The following SNX29 variants were observed in gnomAD, a reference collection of about 807,000 sequenced individuals.
The protein encoded by SNX29 is sorting nexin 29, also known as sorting nexin-29.
SNX29 carries 78 observed loss-of-function variants against 102.1 expected under a neutral mutation model. That is an observed-to-expected ratio of 0.76 (90% CI 0.64 to 0.92). The LOEUF (loss-of-function observed/expected upper bound fraction) is 0.92. Among genes scored for constraint, SNX29 ranks in the 40% least tolerant of loss-of-function variants. The pLI is 0.00. For missense variants in SNX29, 1,280 were observed against 1,061.7 expected, an observed-to-expected ratio of 1.21 and a Z score of -2.86; for synonymous variants, 580 against 414.5, an observed-to-expected ratio of 1.40 and a Z score of -4.85.
chr16:12,514,812 C>T (rs2089790041), intron 19 of SNX29, among the ~76,000 whole-genome samples: 2 of 151,632 alleles, frequency 1.3e-5, no homozygotes, highest in South Asian at 2.1e-4. Flanking sequence ...TTGCAGTGAG[C>T]CGAGATTGTG....
Position 12,290,106 on chromosome 16 carries a change from G to A in SNX29, c.1782+12070G>A, listed in dbSNP as rs981898952. Among the ~76,000 whole-genome samples the A allele has an allele frequency of 5.9e-5, 9 of 152,250 alleles. No homozygotes were observed. In the East Asian group the frequency reaches 9.6e-4, roughly 16 times the overall value. On this transcript the variant is annotated intron_variant, in intron 15 of 20. Coordinates refer to ENST00000566228, the MANE Select transcript of SNX29 (RefSeq NM_032167.5). The stretch of plus-strand genomic sequence containing the variant: ...AAACTACTCTGGGCCCAGTCTACTT[G>A]GGCCATTTCTTTTTCTGCTTAAAAC...
intron 2 of SNX29, among the ~76,000 whole-genome samples, chr16:12,002,639 G>A (rs889784549): frequency 7.9e-5 from 12 of 152,210 alleles, no homozygotes; most frequent in Non-Finnish European, 1.5e-4. Context: ...ATTATCGCCC[G>A]TGAAGAGCTG....
intron 20 of SNX29, among the ~76,000 whole-genome samples, chr16:12,542,978 C>T (rs1159366691): frequency 6.6e-6 from 1 of 152,118 alleles, no homozygotes; most frequent in Non-Finnish European, 1.5e-5. Context: ...ACTTACTACT[C>T]CTGTAACTAT....
At chr16:12,251,984 C>T (rs1326019107) in intron 14 of SNX29, among the ~76,000 whole-genome samples, 2 of 152,090 alleles carry the variant, frequency 1.3e-5, no homozygotes, top group Non-Finnish European at 2.9e-5. Context: ...TGGTGTCGAA[C>T]TCCTGGCCTC....
intron 5 of SNX29, 77 bp downstream of exon 5, chr16:12,043,154 G>T (rs2049954379): frequency 9.0e-6 from 14 of 1,554,900 alleles, no homozygotes; most frequent in Non-Finnish European, 1.2e-5. Flanking sequence ...AGACCACCTG[G>T]ATTTTCATCC....
intron 16 of SNX29, among the ~76,000 whole-genome samples, chr16:12,382,876 A>C (rs2083222649): frequency 6.6e-6 from 1 of 151,096 alleles, no homozygotes; most frequent in Admixed American, 6.7e-5. Context: ...TCTCTCTTAT[A>C]AGGACACCTG....
intron 3 of SNX29, among the ~76,000 whole-genome samples, chr16:12,020,007 C>G (rs1343243083): frequency 6.6e-6 from 1 of 151,978 alleles, no homozygotes; most frequent in Non-Finnish European, 1.5e-5. Flanking sequence ...TATTTTTCAT[C>G]TTATGTTATA....
At chr16:12,305,974 A>T (rs2080325001) in intron 15 of SNX29, among the ~76,000 whole-genome samples, 1 of 152,064 alleles carries the variant, frequency 6.6e-6, no homozygotes, top group South Asian at 2.1e-4. Context: ...AATTCATTTT[A>T]AATAGTCCTC....
intron 1 of SNX29, among the ~76,000 whole-genome samples, chr16:11,983,331 TC>T (rs1487202005): frequency 6.6e-6 from 1 of 151,234 alleles, no homozygotes; most frequent in African/African-American, 2.4e-5. Context: ...GTCTCAACCT[TC>T]CAAAGTGCTG....
intron 3 of SNX29, among the ~76,000 whole-genome samples, chr16:12,013,495 AAAAAAATATATATATATATATATATAT>A (rs2056729322): frequency 6.5e-5 from 4 of 61,254 alleles, no homozygotes; most frequent in Admixed American, 3.4e-4. Context: ...GGGGAAAAAA[AAAAAAATATATATATATATATATATAT>A]ATATATATAT....
At position 12,570,549 on chromosome 16, in the gene SNX29, G is replaced by C. The variant is rs2079165813; in HGVS notation, c.*1920G>C. On this transcript the variant is annotated 3_prime_UTR_variant, in exon 21 of 21. Coordinates refer to ENST00000566228, the MANE Select transcript of SNX29 (RefSeq NM_032167.5). The stretch of plus-strand genomic sequence containing the variant: ...ATTTTGAAGTAGGTGTTTGATGCCA[G>C]CTCAGAGACTGTCTCAGGAGTGCCT... 4.3e-6 allele frequency: 1 copy of C among 232,214 alleles called. No homozygotes were observed. The highest frequency in any genetic ancestry group is 8.5e-6 in the Non-Finnish European group (1 of 117,500). 14.4% of individuals were successfully genotyped at this position (232,214 alleles called of 1,614,324 possible). A position where few individuals can be genotyped will look rare whatever the true frequency, so the allele number is the denominator to read the frequency against.
At chr16:12,533,543 C>T (rs1029138991) in intron 20 of SNX29, among the ~76,000 whole-genome samples, 7 of 152,188 alleles carry the variant, frequency 4.6e-5, no homozygotes, top group African/African-American at 1.4e-4. Flanking sequence ...CTTTTGTCCT[C>T]ATTTCTTACT....
chr16:12,236,843 G>C (rs2077949953), intron 14 of SNX29, among the ~76,000 whole-genome samples: 1 of 152,206 alleles, frequency 6.6e-6, no homozygotes, highest in African/African-American at 2.4e-5. Flanking sequence ...TGAGTTGCTT[G>C]GAGGAAATGC....
At position 12,572,246 on chromosome 16, in the gene SNX29, G is replaced by C. The variant is rs3803606; in HGVS notation, c.*3617G>C. On this transcript the variant is annotated 3_prime_UTR_variant, in exon 21 of 21. Coordinates refer to ENST00000566228, the MANE Select transcript of SNX29 (RefSeq NM_032167.5). ...TCCTGAAAGTCGTTTACACCAGGTG[G>C]ATTGATACCATGGCTGTAGCTGATG... 162,685 of 1,047,792 alleles carry C rather than the reference G, an allele frequency of 0.16. 13,209 individuals are homozygous for C. The highest frequency in any genetic ancestry group is 0.23 in the South Asian group (5,021 of 21,702). 64.9% of individuals were successfully genotyped at this position (1,047,792 alleles called of 1,614,324 possible). A position where few individuals can be genotyped will look rare whatever the true frequency, so the allele number is the denominator to read the frequency against.
At chr16:12,381,125 C>T (rs1284983329) in intron 16 of SNX29, among the ~76,000 whole-genome samples, 1 of 19,260 alleles carries the variant, frequency 5.2e-5, no homozygotes. Flanking sequence ...CATCCATCCA[C>T]CCACCCACCC....
chr16:12,546,134 CAG>C (rs545316540), intron 20 of SNX29, among the ~76,000 whole-genome samples: 23 of 152,310 alleles, frequency 1.5e-4, no homozygotes, highest in African/African-American at 5.3e-4. Flanking sequence ...ATCCACAAAA[CAG>C]AGCTAATAAC....
chr16:12,151,578 C>T (rs373261100), intron 13 of SNX29, among the ~76,000 whole-genome samples: 2 of 152,160 alleles, frequency 1.3e-5, no homozygotes, highest in Non-Finnish European at 2.9e-5. Context: ...GCCCGGGACT[C>T]GTACCCCACA....
intron 14 of SNX29, among the ~76,000 whole-genome samples, chr16:12,274,475 T>C (rs1435608225): frequency 6.6e-6 from 1 of 152,150 alleles, no homozygotes; most frequent in Non-Finnish European, 1.5e-5. Context: ...CTTCTGTGTG[T>C]TATCTTTTTC....
intron 16 of SNX29, among the ~76,000 whole-genome samples, chr16:12,364,968 T>G (rs2082418779): frequency 6.6e-6 from 1 of 152,136 alleles, no homozygotes; most frequent in Non-Finnish European, 1.5e-5. Context: ...TGGTGTGCAT[T>G]TTTTTCCTTG....
Sources: gnomAD v4.1 joint callset for allele counts (sites outside exome capture counted in the v4.1 genomes callset) on GRCh38, gnomAD v4.1.1 for gene constraint, MANE v1.5 for transcripts, NCBI Gene and HGNC (gene_info 2026-07-23, HGNC 2026-07-21) for gene names.